Variants in NAALADL2 observed in about 807,000 individuals in gnomAD.
The protein encoded by NAALADL2 is inactive N-acetylated-alpha-linked acidic dipeptidase-like protein 2.
A neutral mutation model predicts 87.2 loss-of-function variants in NAALADL2; 76 were observed. The observed-to-expected ratio is 0.87, with a 90% CI of 0.72 to 1.05. The LOEUF (loss-of-function observed/expected upper bound fraction) is 1.05. NAALADL2 is among the 50% of genes least tolerant of loss of function. NAALADL2 has a pLI of 0.00. For synonymous variants in NAALADL2, 354 were observed against 331.0 expected, an observed-to-expected ratio of 1.07 and a Z score of -0.75; for missense variants, 1,089 against 945.8, an observed-to-expected ratio of 1.15 and a Z score of -1.99.
intron 9 of NAALADL2, among the ~76,000 whole-genome samples, chr3:175,522,746 G>T (rs999424905): frequency 3.9e-5 from 6 of 152,018 alleles, no homozygotes; most frequent in Non-Finnish European, 5.9e-5. Context: ...TTTAAAACTT[G>T]CCTGCTTTCT....
chr3:175,669,664 G>T (rs745643629), intron 11 of NAALADL2, among the ~76,000 whole-genome samples: 1 of 151,742 alleles, frequency 6.6e-6, no homozygotes, highest in Non-Finnish European at 1.5e-5. Flanking sequence ...TTCCTTATTT[G>T]GCTTTGGAAT....
Position 175,561,408 on chromosome 3 carries a change from T to C in NAALADL2, c.1654-14633T>C, listed in dbSNP as rs114518644. Among the ~76,000 whole-genome samples, 1,001 of 152,282 alleles carry C rather than the reference T, an allele frequency of 6.6e-3. 10 individuals are homozygous for C. The highest frequency in any genetic ancestry group is 0.023 in the African/African-American group (946 of 41,564). ...ATGTTCAGTATAGGCAGAATATTTT[T>C]TCAAATATTTTTATTGAAACTAATT... On this transcript the variant is annotated intron_variant, in intron 9 of 13. Coordinates refer to ENST00000454872, the MANE Select transcript of NAALADL2 (RefSeq NM_207015.3).
chr3:174,778,891 G>A (rs1715577322), intron 3 of NAALADL2, among the ~76,000 whole-genome samples: 1 of 152,134 alleles, frequency 6.6e-6, no homozygotes, highest in African/African-American at 2.4e-5. Context: ...ATAGGCATTT[G>A]TGTTGGCTCC....
chr3:174,973,016 C>T (rs1306622879), intron 1 of NAALADL2, among the ~76,000 whole-genome samples: 2 of 139,744 alleles, frequency 1.4e-5, no homozygotes, highest in Non-Finnish European at 3.1e-5. Flanking sequence ...AAAAAAAAAT[C>T]CCACTTAATT....
At chr3:174,894,576 AAG>A (rs1181852606) in intron 1 of NAALADL2, among the ~76,000 whole-genome samples, 2 of 123,800 alleles carry the variant, frequency 1.6e-5, no homozygotes, top group Non-Finnish European at 3.3e-5. Flanking sequence ...CCTGGGCAAA[AAG>A]AGTGAAACTC....
chr3:174,560,220 T>C (rs558223568), intron 2 of NAALADL2, among the ~76,000 whole-genome samples: 1 of 152,362 alleles, frequency 6.6e-6, no homozygotes, highest in Non-Finnish European at 1.5e-5. Flanking sequence ...TTCCTGCTTT[T>C]ACAATGTTCA....
chr3:175,722,134 T>C (rs113293159), intron 11 of NAALADL2, among the ~76,000 whole-genome samples: 58 of 152,170 alleles, frequency 3.8e-4, no homozygotes, highest in African/African-American at 1.1e-3. Flanking sequence ...CAAAAATCTA[T>C]GTGATGTTTG....
intron 1 of NAALADL2, among the ~76,000 whole-genome samples, chr3:175,065,087 C>T (rs891577483): frequency 6.6e-6 from 1 of 151,962 alleles, no homozygotes; most frequent in Non-Finnish European, 1.5e-5. Flanking sequence ...AAGGAATAGT[C>T]ACTATGAAGG....
chr3:174,450,360 G>A lies in NAALADL2; in HGVS notation c.-184+9328G>A, dbSNP rs370344062. Among the ~76,000 whole-genome samples, 27 of 152,246 alleles carry A rather than the reference G, an allele frequency of 1.8e-4. No individual in the cohort carries two copies. The East Asian group carries it at 2.1e-3, about 12-fold the overall frequency. On this transcript the variant is annotated intron_variant, in intron 1 of 3. Transcript: ENST00000434257. ...TATAGCAGAGAAGAAATGTAACCAC[G>A]CATGGGAAAATAGGGAGGCGCAAGG... is the stretch of plus-strand genomic sequence containing the variant.
At chr3:175,729,107 A>C (rs1247961014) in intron 11 of NAALADL2, among the ~76,000 whole-genome samples, 1 of 152,178 alleles carries the variant, frequency 6.6e-6, no homozygotes, top group Non-Finnish European at 1.5e-5. Flanking sequence ...AAGAAATAAA[A>C]GATTCATATT....
chr3:175,406,636 C>T (rs1311963156), intron 5 of NAALADL2, among the ~76,000 whole-genome samples: 1 of 152,098 alleles, frequency 6.6e-6, no homozygotes, highest in Non-Finnish European at 1.5e-5. Context: ...ATAGTGGTTA[C>T]ATAATACTAC....
intron 9 of NAALADL2, among the ~76,000 whole-genome samples, chr3:175,565,579 G>A (rs2149526018): frequency 1.3e-5 from 2 of 152,084 alleles, no homozygotes; most frequent in Middle Eastern, 6.8e-3. Context: ...GAGGCCTCAT[G>A]CTGTTGTCCA....
chr3:175,350,081 T>C (rs1763602841), intron 5 of NAALADL2, among the ~76,000 whole-genome samples: 1 of 150,982 alleles, frequency 6.6e-6, no homozygotes, highest in Non-Finnish European at 1.5e-5. Flanking sequence ...ATAAACTTAA[T>C]AGTCCTTAAT....
chr3:175,745,700 A>G (rs1203278257), intron 12 of NAALADL2, among the ~76,000 whole-genome samples: 1 of 152,172 alleles, frequency 6.6e-6, no homozygotes, highest in Non-Finnish European at 1.5e-5. Flanking sequence ...TTTAGAATGC[A>G]ATGGTACTAG....
chr3:174,645,216 A>G (rs1458151610), intron 2 of NAALADL2, among the ~76,000 whole-genome samples: 3 of 152,234 alleles, frequency 2.0e-5, no homozygotes, highest in Non-Finnish European at 2.9e-5. Context: ...TGAGGAAAGC[A>G]TAAATAGAGA....
chr3:175,667,215 GAAAGAAAGAAAGAAAGAAAGAAAGAA>G (rs1396778307), intron 11 of NAALADL2, among the ~76,000 whole-genome samples: 130 of 122,474 alleles, frequency 1.1e-3, no homozygotes, highest in African/African-American at 2.7e-3. Context: ...AAGAAAGAAA[GAAAGAAAGAAAGAAAGAAAGAAAGAA>G]AAAGAAAGAA....
Position 175,350,485 on chromosome 3 carries a change from A to C in NAALADL2, c.1090+26160A>C, listed in dbSNP as rs1473595406. On this transcript the variant is annotated intron_variant, in intron 5 of 13. Coordinates refer to ENST00000454872, the MANE Select transcript of NAALADL2 (RefSeq NM_207015.3). ...AAACTCTGATGGGCAAACATGTTTC[A>C]AAGGACTCAACAGCAGTCAGAGAGG... Among the ~76,000 whole-genome samples, 9 of 152,206 alleles carry C rather than the reference A, an allele frequency of 5.9e-5. No individual in the cohort carries two copies. The East Asian group carries it at 1.5e-3, about 26-fold the overall frequency.
chr3:175,146,771 A>G (rs1228851668), intron 2 of NAALADL2, among the ~76,000 whole-genome samples: 1 of 152,098 alleles, frequency 6.6e-6, no homozygotes, highest in African/African-American at 2.4e-5. Context: ...TTTGCCTTCC[A>G]TGTGTGAAAT....
chr3:175,249,944 C>T (rs530208632), intron 3 of NAALADL2, among the ~76,000 whole-genome samples: 34 of 152,056 alleles, frequency 2.2e-4, no homozygotes, highest in Admixed American at 1.0e-3. Context: ...CCGAGGCAGA[C>T]GGATCATCTG....
Sources: allele counts gnomAD v4.1 joint callset (sites outside exome capture counted in the v4.1 genomes callset), GRCh38; gene constraint gnomAD v4.1.1; transcripts MANE v1.5; gene names NCBI Gene and HGNC (gene_info 2026-07-23, HGNC 2026-07-21).